The following SNX25 variants were observed in gnomAD, a reference collection of about 807,000 sequenced individuals.
SNX25 encodes sorting nexin-25.
SNX25 carries 62 observed loss-of-function variants against 113.7 expected under a neutral mutation model. That is an observed-to-expected ratio of 0.55 (90% CI 0.44 to 0.67). The LOEUF (loss-of-function observed/expected upper bound fraction) is 0.67. Among genes scored for constraint, SNX25 ranks in the 30% least tolerant of loss-of-function variants. The pLI is 0.00. For missense variants in SNX25, 1,014 were observed against 1,161.0 expected (o/e 0.87, Z 1.84); for synonymous variants, 421 against 436.2 (o/e 0.97, Z 0.43).
At chr4:185,378,283 C>T in the SNX25 span, 2 of 1,541,756 alleles carry the variant, frequency 1.3e-6, no homozygotes, top group Non-Finnish European at 1.7e-6. Flanking sequence ...CTATTCCCAC[C>T]AGGTGCTCAT....
chr4:185,251,477 G>A (rs1484914295), intron 2 of SNX25, among the ~76,000 whole-genome samples: 2 of 152,044 alleles, frequency 1.3e-5, no homozygotes, highest in African/African-American at 4.8e-5. Context: ...TACCTAAGTG[G>A]AATCATATAG....
At chr4:185,296,184 C>T (rs1003172760) in intron 6 of SNX25, among the ~76,000 whole-genome samples, 3 of 152,096 alleles carry the variant, frequency 2.0e-5, no homozygotes, top group East Asian at 1.9e-4. Flanking sequence ...TTCATCCTGG[C>T]CTTGTCGTCT....
At chr4:185,365,361 T>C (rs1219892020), downstream of SNX25, 1 of 152,094 alleles carries the variant, frequency 6.6e-6, no homozygotes, top group East Asian at 1.9e-4. Flanking sequence ...AGATTCTTTT[T>C]ATTTTTTTTT....
At chr4:185,339,737 A>G (rs562897424) in intron 11 of SNX25, among the ~76,000 whole-genome samples, 119 of 152,328 alleles carry the variant, frequency 7.8e-4, no homozygotes, top group African/African-American at 2.8e-3. Flanking sequence ...TCAAACAGCA[A>G]GTTCTTCCTG....
Position 185,353,526 on chromosome 4 carries a change from T to A in SNX25, c.2508T>A (p.Asp836Glu). Reference protein sequence around the residue: ...EEDSDLSDYGDDVDGRKDALA... With the variant: ...EEDSDLSDYGEDVDGRKDALA... ...ACAGTGACCTGTCAGATTATGGTGA[T>A]GATGTGGATGGGAGGAAAGACGCCT... is the stretch of plus-strand genomic sequence containing the variant. The change falls in exon 15 of 19, where the codon GAT (aspartate) becomes GAA (glutamate). Residue 836 changes from aspartate (D) to glutamate (E), a missense_variant. Transcript: ENST00000652585. The A allele has an allele frequency of 1.2e-6, 2 of 1,614,180 alleles. No homozygotes were observed. The highest frequency in any genetic ancestry group is 2.2e-5 in the South Asian group (2 of 91,084).
Position 185,339,372 on chromosome 4 carries a change from G to T in SNX25, c.1915-7G>T, listed in dbSNP as rs1438781745. 1.2e-6 allele frequency: 2 copies of T among 1,613,428 alleles called. No individual in the cohort carries two copies. The highest frequency in any genetic ancestry group is 1.7e-6 in the Non-Finnish European group (2 of 1,179,640). On this transcript the variant is annotated splice_region_variant and splice_polypyrimidine_tract_variant and intron_variant, in intron 10 of 18. Transcript: ENST00000652585. Reference sequence around the variant, plus strand: ...TCATAACTCCCAGGATATTTTCCCTGTGGCAGATTGTTTCCAAGTTGAAGG... The same window carrying T: ...TCATAACTCCCAGGATATTTTCCCTTTGGCAGATTGTTTCCAAGTTGAAGG...
intron 1 of SNX25, among the ~76,000 whole-genome samples, chr4:185,223,471 A>T (rs1200333135): frequency 2.0e-5 from 3 of 151,980 alleles, no homozygotes; most frequent in Non-Finnish European, 2.9e-5. Context: ...CTCCTGTTTG[A>T]TTCCTTTGGC....
chr4:185,283,808 A>T (rs971264937), intron 5 of SNX25, among the ~76,000 whole-genome samples: 1 of 152,190 alleles, frequency 6.6e-6, no homozygotes, highest in African/African-American at 2.4e-5. Flanking sequence ...AGATAATGTA[A>T]ATTAAAATAT....
downstream of SNX25, among the ~76,000 whole-genome samples, chr4:185,368,493 C>T (rs967369681): frequency 1.3e-5 from 2 of 152,200 alleles, no homozygotes; most frequent in East Asian, 1.9e-4. Context: ...TCCCTTCCTG[C>T]GGGACACTGC....
At chr4:185,234,355 A>C (rs139825646) in intron 1 of SNX25, among the ~76,000 whole-genome samples, 196 of 152,324 alleles carry the variant, frequency 1.3e-3, no homozygotes, top group African/African-American at 4.4e-3. Context: ...ATATAACTAT[A>C]ATCATTTTTC....
chr4:185,318,816 C>T (rs901269665), intron 7 of SNX25, among the ~76,000 whole-genome samples: 17 of 152,188 alleles, frequency 1.1e-4, no homozygotes, highest in African/African-American at 3.4e-4. Flanking sequence ...AAGATAAAAA[C>T]TTAACACCCT....
At chr4:185,257,225 A>G (rs1040674793) in intron 2 of SNX25, among the ~76,000 whole-genome samples, 1 of 151,922 alleles carries the variant, frequency 6.6e-6, no homozygotes, top group African/African-American at 2.4e-5. Context: ...GATAAAAAAT[A>G]ACCTTGGTAC....
chr4:185,331,694 T>C (rs1191878095), intron 9 of SNX25, among the ~76,000 whole-genome samples: 1 of 152,070 alleles, frequency 6.6e-6, no homozygotes, highest in Non-Finnish European at 1.5e-5. Flanking sequence ...GGCAGGAGAA[T>C]GGCTTTGACC....
chr4:185,340,079 A>G (rs905183229), intron 11 of SNX25, among the ~76,000 whole-genome samples: 9 of 152,204 alleles, frequency 5.9e-5, no homozygotes, highest in African/African-American at 1.9e-4. Flanking sequence ...ACTGTTGACA[A>G]CTTCCTTCTC....
chr4:185,267,798 A>C (rs186394750), intron 5 of SNX25, among the ~76,000 whole-genome samples: 52 of 152,256 alleles, frequency 3.4e-4, no homozygotes, highest in African/African-American at 1.3e-3. Context: ...CCAAAGCCTT[A>C]CTAATAACAT....
At chr4:185,332,554 C>T in intron 9 of SNX25, 41 bp from the exon 10 acceptor site, 1 of 1,509,352 alleles carries the variant, frequency 6.6e-7, no homozygotes. Context: ...ACTGAATTTT[C>T]TATCATTATA....
At chr4:185,264,640 C>T in intron 4 of SNX25, 30 bp downstream of exon 4, 1 of 1,606,116 alleles carries the variant, frequency 6.2e-7, no homozygotes, top group Non-Finnish European at 8.5e-7. Context: ...TTCACTAATT[C>T]AATAAGTGTG....
downstream of SNX25, chr4:185,372,728 T>A (rs2095420052): frequency 4.3e-6 from 3 of 692,164 alleles, no homozygotes; most frequent in Non-Finnish European, 7.1e-6. Flanking sequence ...GACATGATGG[T>A]CCTCCCCTCT....
At chr4:185,245,056 G>A (rs979416300) in intron 1 of SNX25, among the ~76,000 whole-genome samples, 4 of 152,048 alleles carry the variant, frequency 2.6e-5, no homozygotes, top group African/African-American at 9.7e-5. Flanking sequence ...TTGTTTGTAG[G>A]ATGAGGGCAA....
Sources: gnomAD v4.1 joint callset for allele counts (sites outside exome capture counted in the v4.1 genomes callset) on GRCh38, gnomAD v4.1.1 for gene constraint, MANE v1.5 for transcripts, NCBI Gene and HGNC (gene_info 2026-07-23, HGNC 2026-07-21) for gene names.